JRK: variants seen among roughly 807,000 people sequenced by gnomAD.
JRK encodes jerky protein homolog.
For synonymous variants in JRK, 303 were observed against 218.1 expected, an observed-to-expected ratio of 1.39 and a Z score of -3.43; for missense variants, 720 against 509.2, an observed-to-expected ratio of 1.41 and a Z score of -3.98.
downstream of JRK, among the ~76,000 whole-genome samples, chr8:142,652,483 A>G (rs190257934): frequency 6.9e-4 from 105 of 152,298 alleles, no homozygotes; most frequent in African/African-American, 2.4e-3. Context: ...TAGATAAGAG[A>G]CAAATGGTTG....
rs1846893419 is a variant in JRK at position 142,660,859 on chromosome 8, C to T, written c.*3493G>A. 16 of 985,516 alleles carry T rather than the reference C, an allele frequency of 1.6e-5. No homozygotes were observed. The highest frequency in any genetic ancestry group is 1.9e-5 in the Non-Finnish European group (16 of 830,140). The allele number at this position is 985,516 out of a possible 1,614,324, so 61.0% of individuals were successfully genotyped here. On this transcript the variant is annotated 3_prime_UTR_variant, in exon 2 of 2. Transcript: ENST00000612905. ...GCAAACCCCTGCCTCAAACCGTGTC[C>T]CTCCACAAGCACATCCAGCCACTGG...
At chr8:142,649,466 C>A in the JRK span, among the ~76,000 whole-genome samples, 1 of 152,240 alleles carries the variant, frequency 6.6e-6, no homozygotes, top group Non-Finnish European at 1.5e-5. Context: ...TTCCCCTGCA[C>A]ATGTTATCTT....
Position 142,666,220 on chromosome 8 carries a change from G to T in JRK, c.-162C>A. The T allele has an allele frequency of 7.8e-7, 1 of 1,278,374 alleles. No individual in the cohort carries two copies. The allele number at this position is 1,278,374 out of a possible 1,614,324, so 79.2% of individuals were successfully genotyped here. A position where few individuals can be genotyped will look rare whatever the true frequency, so the allele number is the denominator to read the frequency against. On this transcript the variant is annotated 5_prime_UTR_variant, in exon 2 of 2. Coordinates refer to ENST00000612905, the MANE Select transcript of JRK (RefSeq NM_003724.4). ...TGAGCACAGGCCCCAGTCCCTCTCG[G>T]GTTTCTCACTCCACACGCTGCACCT...
At position 142,664,092 on chromosome 8, in the gene JRK, G is replaced by A. The variant is rs1348078035; in HGVS notation, c.*260C>T. On this transcript the variant is annotated 3_prime_UTR_variant, in exon 2 of 2. Transcript: ENST00000612905. ...CAGGGTGCGGCTCTGGCTTGTTCTAGGCTAGGGTGGACCCTTCCAAAACAT... is the reference window on the plus strand; with the variant it reads ...CAGGGTGCGGCTCTGGCTTGTTCTAAGCTAGGGTGGACCCTTCCAAAACAT... The A allele has an allele frequency of 5.4e-6, 7 of 1,285,024 alleles. No homozygotes were observed. The highest frequency in any genetic ancestry group is 3.7e-5 in the Admixed American group (1 of 27,254). 79.6% of individuals were successfully genotyped at this position (1,285,024 alleles called of 1,614,324 possible).
the JRK span, among the ~76,000 whole-genome samples, chr8:142,644,138 ACCATCTCCAAAG>A: frequency 6.6e-6 from 1 of 152,050 alleles, no homozygotes; most frequent in Non-Finnish European, 1.5e-5. Flanking sequence ...TTCTGATGTC[ACCATCTCCAAAG>A]CTATTAAAAA....
At position 142,665,753 on chromosome 8, in the gene JRK, G is replaced by A. The variant is rs150164684; in HGVS notation, c.306C>T (p.Ser102=). 2.1e-3 allele frequency: 1,607 copies of A among 774,768 alleles called. 13 individuals carry two copies. The Middle Eastern group carries it at 0.03, about 14-fold the overall frequency. 48.0% of individuals were successfully genotyped at this position (774,768 alleles called of 1,614,324 possible). Residue 102 remains serine, a synonymous_variant, in exon 2 of 2, where the codon TCC becomes TCT. Coordinates refer to ENST00000612905, the MANE Select transcript of JRK (RefSeq NM_003724.4). Reference sequence around the variant, plus strand: ...TGGGGCCTGACACGGGGACGCCCTCGGAGCGCTTCCCCAGGAACCACTCGT... The same window carrying A: ...TGGGGCCTGACACGGGGACGCCCTCAGAGCGCTTCCCCAGGAACCACTCGT... ...VLYEWFLGKR[S]EGVPVSGPML...
chr8:142,665,154 C>G lies in JRK; in HGVS notation c.905G>C (p.Arg302Pro), dbSNP rs905977856. The G allele has an allele frequency of 4.2e-6, 3 of 717,838 alleles. No homozygotes were observed. The highest frequency in any genetic ancestry group is 1.5e-5 in the South Asian group (1 of 67,606). 44.5% of individuals were successfully genotyped at this position (717,838 alleles called of 1,614,324 possible). A position where few individuals can be genotyped will look rare whatever the true frequency, so the allele number is the denominator to read the frequency against. Residue 302 changes from arginine (R) to proline (P), a missense_variant, in exon 2 of 2, where the codon CGG (arginine) becomes CCG (proline). Physicochemically the swap from Arg to Pro is moderately radical, Grantham distance 103. Coordinates refer to ENST00000612905, the MANE Select transcript of JRK (RefSeq NM_003724.4). ...CAGCTCGGCCTCCTGCGGGTGAGCC[C>G]GGGAGCTGTCCAGCAAGAGAACGGC... is the stretch of plus-strand genomic sequence containing the variant. ...SKAVLLLDSSRAHPQEAELVS... is the reference protein window; with the variant it reads ...SKAVLLLDSSPAHPQEAELVS...
At chr8:142,647,678 T>C in the JRK span, among the ~76,000 whole-genome samples, 1 of 152,214 alleles carries the variant, frequency 6.6e-6, no homozygotes, top group African/African-American at 2.4e-5. Context: ...CATTTATAAA[T>C]TGCCCAGTCT....
intron 1 of JRK, among the ~76,000 whole-genome samples, chr8:142,669,168 G>GTC (rs1847231563): frequency 1.1e-5 from 1 of 90,278 alleles, no homozygotes; most frequent in Non-Finnish European, 2.3e-5. Context: ...GGCATAGTGT[G>GTC]TGTGTGTGTG....
At chr8:142,668,235 A>G (rs782798131) in intron 1 of JRK, among the ~76,000 whole-genome samples, 27 of 152,266 alleles carry the variant, frequency 1.8e-4, no homozygotes, top group Non-Finnish European at 3.4e-4. Flanking sequence ...GCAGAAACGC[A>G]GCCCTTTGAG....
chr8:142,655,570 T>C (rs1251844994), downstream of JRK, among the ~76,000 whole-genome samples: 3 of 150,444 alleles, frequency 2.0e-5, no homozygotes, highest in Admixed American at 6.7e-5. Flanking sequence ...AGGGATGCAG[T>C]GAGATCCCAG....
rs1846823314 is a variant in JRK, at chr8:142,658,864, TGTAGAGGCC to T, written c.*5479_*5487del. 1 of 1,613,158 alleles carries T rather than the reference TGTAGAGGCC, an allele frequency of 6.2e-7. No homozygotes were observed. On this transcript the variant is annotated 3_prime_UTR_variant, in exon 2 of 2. Coordinates refer to ENST00000612905, the MANE Select transcript of JRK (RefSeq NM_003724.4). ...CAGAAGTTCTCCAACATTATGTCTC[TGTAGAGGCC>T]TCCAGGCAGCACTTAGGAATTGCCA...
At chr8:142,645,256 G>A in the JRK span, among the ~76,000 whole-genome samples, 7 of 152,144 alleles carry the variant, frequency 4.6e-5, no homozygotes, top group South Asian at 6.2e-4. Context: ...CTTTAAATGC[G>A]CACACAGAGA....
Position 142,659,001 on chromosome 8 carries a change from G to C in JRK, c.*5351C>G, listed in dbSNP as rs1846830040. On this transcript the variant is annotated 3_prime_UTR_variant, in exon 2 of 2. Transcript: ENST00000612905. ...GGAGCGTCAGTATGTCCACACCATA[G>C]GGGTGTAGTCACTTCCCTCTGCCAG... The C allele has an allele frequency of 1.3e-6, 2 of 1,573,106 alleles. No individual in the cohort carries two copies. Among genetic ancestry groups the C allele is most frequent in the Non-Finnish European group, 8.6e-7 (1 of 1,157,928 alleles).
rs2129747969 is a variant in JRK at position 142,664,299 on chromosome 8, T to C, written c.*53A>G. The C allele has an allele frequency of 6.6e-7, 1 of 1,504,512 alleles. No individual in the cohort carries two copies. Among genetic ancestry groups the C allele is most frequent in the South Asian group, 1.4e-5 (1 of 73,992 alleles). The allele number at this position is 1,504,512 out of a possible 1,614,324, so 93.2% of individuals were successfully genotyped here. Reference sequence around the variant, plus strand: ...GGGTCGGGGCACAGGACCATGCCACTCCAGGGTGTGGGGAGAAACAGGGCC... The same window carrying C: ...GGGTCGGGGCACAGGACCATGCCACCCCAGGGTGTGGGGAGAAACAGGGCC... On this transcript the variant is annotated 3_prime_UTR_variant, in exon 2 of 2. Transcript: ENST00000612905.
chr8:142,663,007 A>AC lies in JRK; in HGVS notation c.*1344_*1345insG. 5.6e-6 allele frequency: 2 copies of AC among 355,406 alleles called. No homozygotes were observed. Among genetic ancestry groups the AC allele is most frequent in the Non-Finnish European group, 7.2e-6 (2 of 277,278 alleles). The allele number at this position is 355,406 out of a possible 1,614,324, so 22.0% of individuals were successfully genotyped here. On this transcript the variant is annotated 3_prime_UTR_variant, in exon 2 of 2. Transcript: ENST00000612905. ...AGACCCTGTCTCTACAAAAAAAATA[A>AC]AAAGGCGCGGTGGTGCGTGCCTCTA...
downstream of JRK, among the ~76,000 whole-genome samples, chr8:142,654,122 C>G (rs1379614552): frequency 6.6e-6 from 1 of 152,110 alleles, no homozygotes. Flanking sequence ...CCAAATAAAC[C>G]ACAAGGTCGG....
Position 142,664,682 on chromosome 8 carries a change from T to C in JRK, c.1377A>G (p.Ala459=), listed in dbSNP as rs781887545. The C allele has an allele frequency of 6.2e-7, 1 of 1,611,090 alleles. No individual in the cohort carries two copies. Among genetic ancestry groups the C allele is most frequent in the Admixed American group, 1.7e-5 (1 of 59,794 alleles). Residue 459 remains alanine, a synonymous_variant, in exon 2 of 2, where the codon GCA becomes GCG. Coordinates refer to ENST00000612905, the MANE Select transcript of JRK (RefSeq NM_003724.4). Reference sequence around the variant, plus strand: ...TCTTTTCTGAACTCCACACAACCTCTGCTGGCGACGTGGCAGCAGGGGGCC... The same window carrying C: ...TCTTTTCTGAACTCCACACAACCTCCGCTGGCGACGTGGCAGCAGGGGGCC... ...GGRPPAATSP[A]EVVWSSEKTP...
In JRK at chr8:142,666,045, G is replaced by C; in HGVS notation, c.14C>G (p.Pro5Arg). 6.2e-7 allele frequency: 1 copy of C among 1,603,892 alleles called. No individual in the cohort carries two copies. The highest frequency in any genetic ancestry group is 8.5e-7 in the Non-Finnish European group (1 of 1,172,860). MASK[P>R]AAGKSRGEKR... ...CTCCCCTCTGCTCTTCCCGGCAGCC[G>C]GCTTGGAGGCCATGGGGAGGGGTGG... is the stretch of plus-strand genomic sequence containing the variant. The change falls in exon 2 of 2, where the codon CCG becomes CGG. Residue 5 changes from proline (P) to arginine (R), a missense_variant. By Grantham distance (103) the Pro-to-Arg change is moderately radical. Transcript: ENST00000612905.
Sources: gnomAD v4.1 joint callset for allele counts (sites outside exome capture counted in the v4.1 genomes callset) on GRCh38, gnomAD v4.1.1 for gene constraint, MANE v1.5 for transcripts, NCBI Gene and HGNC (gene_info 2026-07-23, HGNC 2026-07-21) for gene names.